Variants in TAFA1 observed in about 807,000 individuals in gnomAD.
TAFA1 encodes the protein chemokine-like protein TAFA-1.
In TAFA1, 4 loss-of-function variants were observed where a neutral mutation model predicts 18.5. That is an observed-to-expected ratio of 0.22 (90% CI 0.11 to 0.49). TAFA1 has a LOEUF of 0.49. Ranked by LOEUF, TAFA1 falls within the 20% of genes least tolerant of loss-of-function variation. The pLI is 0.98. For synonymous variants in TAFA1, 56 were observed against 55.2 expected (o/e 1.01, Z -0.06); for missense variants, 147 against 169.0 (o/e 0.87, Z 0.72).
intron 3 of TAFA1, among the ~76,000 whole-genome samples, chr3:68,452,712 G>T (rs552968591): frequency 6.6e-6 from 1 of 152,200 alleles, no homozygotes; most frequent in South Asian, 2.1e-4. Flanking sequence ...CATCAGGGAG[G>T]CATCCAGGGC....
intron 2 of TAFA1, among the ~76,000 whole-genome samples, chr3:68,191,030 T>C (rs1422434315): frequency 6.6e-6 from 1 of 151,776 alleles, no homozygotes; most frequent in East Asian, 2.0e-4. Flanking sequence ...CTTGTGAAAT[T>C]CAGATATTTG....
intron 2 of TAFA1, among the ~76,000 whole-genome samples, chr3:68,383,182 T>C (rs2070014519): frequency 6.6e-6 from 1 of 151,952 alleles, no homozygotes; most frequent in Admixed American, 6.6e-5. Flanking sequence ...TTTATTTCTT[T>C]CTGTTGTCTG....
intron 2 of TAFA1, among the ~76,000 whole-genome samples, chr3:68,400,113 G>A (rs549755591): frequency 1.2e-4 from 18 of 152,230 alleles, no homozygotes; most frequent in African/African-American, 4.3e-4. Flanking sequence ...AAAAGACTAC[G>A]CTGTTTGGCC....
intron 2 of TAFA1, among the ~76,000 whole-genome samples, chr3:68,310,035 A>G (rs889581175): frequency 1.3e-5 from 2 of 152,200 alleles, no homozygotes; most frequent in Non-Finnish European, 2.9e-5. Flanking sequence ...ATTTATCAAT[A>G]ATTATTGAAA....
Position 68,326,678 on chromosome 3 carries a change from C to T in TAFA1, c.119-90602C>T, listed in dbSNP as rs374009677. ...CATAAAATAAAAAGAATTATCATGGCAGAAGGAAAGAAAATCAGAATTTGA... is the reference window on the plus strand; with the variant it reads ...CATAAAATAAAAAGAATTATCATGGTAGAAGGAAAGAAAATCAGAATTTGA... On this transcript the variant is annotated intron_variant, in intron 2 of 4. Coordinates refer to ENST00000478136, the MANE Select transcript of TAFA1 (RefSeq NM_213609.4). Among the ~76,000 whole-genome samples the T allele has an allele frequency of 5.9e-5, 9 of 152,218 alleles. No homozygotes were observed. The East Asian group carries it at 1.7e-3, about 29-fold the overall frequency.
Position 68,544,682 on chromosome 3 carries a change from C to A in TAFA1, c.*179C>A. On this transcript the variant is annotated 3_prime_UTR_variant, in exon 5 of 5. Coordinates refer to ENST00000478136, the MANE Select transcript of TAFA1 (RefSeq NM_213609.4). ...AATATCCTACAGTGAGAAGACACAG[C>A]GTTTTGGCAACACCATGGAAAGTGG... 1.7e-6 allele frequency: 1 copy of A among 592,508 alleles called. No homozygotes were observed. Among genetic ancestry groups the A allele is most frequent in the Non-Finnish European group, 2.9e-6 (1 of 347,722 alleles). The allele number at this position is 592,508 out of a possible 1,614,324, so 36.7% of individuals were successfully genotyped here.
rs867724478 is a variant in TAFA1, at chr3:68,440,010, C to T, written c.259+22590C>T. On this transcript the variant is annotated intron_variant, in intron 3 of 4. Transcript: ENST00000478136. The stretch of plus-strand genomic sequence containing the variant: ...ACATAAAGTTAACAACACTTAAATG[C>T]CAATATGAAATTGATATGGTTTAGC... 1.2e-4 allele frequency among the ~76,000 whole-genome samples: 18 copies of T among 151,954 alleles called. 2 individuals carry two copies. The South Asian group carries it at 3.5e-3, about 30-fold the overall frequency.
intron 3 of TAFA1, among the ~76,000 whole-genome samples, chr3:68,462,400 C>G (rs996775165): frequency 1.3e-5 from 2 of 152,038 alleles, no homozygotes; most frequent in African/African-American, 4.8e-5. Flanking sequence ...ATGGGAGTTC[C>G]TCTGCACATG....
chr3:68,498,722 C>CTTTTTTTTT lies in TAFA1; in HGVS notation c.260-40007_260-39999dup, dbSNP rs34030223. 6.1e-4 allele frequency among the ~76,000 whole-genome samples: 59 copies of CTTTTTTTTT among 97,004 alleles called. 2 individuals carry two copies. Among genetic ancestry groups the CTTTTTTTTT allele is most frequent in the African/African-American group, 2.2e-3 (45 of 20,868 alleles). The allele number at this position is 97,004 out of a possible 152,430, so 63.6% of individuals were successfully genotyped here. A position where few individuals can be genotyped will look rare whatever the true frequency, so the allele number is the denominator to read the frequency against. On this transcript the variant is annotated intron_variant, in intron 3 of 4. Transcript: ENST00000478136. Reference sequence around the variant, plus strand: ...AATTCCTCCCAAAGCCGTTTGGTGGCTTTTTTTTTTTTTTTTTTTTTTTTT... The same window carrying CTTTTTTTTT: ...AATTCCTCCCAAAGCCGTTTGGTGGCTTTTTTTTTTTTTTTTTTTTTTTTTTTTTTTTTT...
At chr3:68,419,242 G>A (rs1053083542) in intron 3 of TAFA1, among the ~76,000 whole-genome samples, 1 of 152,142 alleles carries the variant, frequency 6.6e-6, no homozygotes, top group Non-Finnish European at 1.5e-5. Flanking sequence ...CATTGTGGTG[G>A]TAGACCGCAA....
chr3:68,073,973 A>T (rs912983699), intron 2 of TAFA1, among the ~76,000 whole-genome samples: 1 of 152,136 alleles, frequency 6.6e-6, no homozygotes, highest in African/African-American at 2.4e-5. Context: ...TATGTCTATT[A>T]TTATTACATT....
At chr3:68,180,505 T>C (rs751937713) in intron 2 of TAFA1, among the ~76,000 whole-genome samples, 2 of 152,178 alleles carry the variant, frequency 1.3e-5, no homozygotes, top group African/African-American at 2.4e-5. Context: ...TGTCCCAACA[T>C]AAGAAGTTCA....
chr3:68,271,549 G>C (rs1012009589), intron 2 of TAFA1, among the ~76,000 whole-genome samples: 7 of 152,126 alleles, frequency 4.6e-5, no homozygotes, highest in African/African-American at 1.7e-4. Context: ...AACCCAAAGG[G>C]AGTAAAATGA....
intron 2 of TAFA1, among the ~76,000 whole-genome samples, chr3:68,009,047 C>T (rs1234946443): frequency 6.6e-6 from 1 of 152,212 alleles, no homozygotes. Context: ...TGTAAACCCA[C>T]AAGCCAGGGA....
chr3:68,208,555 C>G (rs2066554390), intron 2 of TAFA1, among the ~76,000 whole-genome samples: 1 of 152,000 alleles, frequency 6.6e-6, no homozygotes, highest in Non-Finnish European at 1.5e-5. Context: ...GGGACTGGCT[C>G]TAACATAGAG....
chr3:68,324,270 ATAG>A (rs2068741535), intron 2 of TAFA1, among the ~76,000 whole-genome samples: 2 of 151,974 alleles, frequency 1.3e-5, no homozygotes, highest in African/African-American at 4.8e-5. Flanking sequence ...GTTGATAAAT[ATAG>A]CCTTGTTGAT....
At chr3:68,053,661 CA>C (rs1173707402) in intron 2 of TAFA1, among the ~76,000 whole-genome samples, 2 of 151,898 alleles carry the variant, frequency 1.3e-5, no homozygotes, top group Admixed American at 6.6e-5. Context: ...AGCAGAGCCA[CA>C]AAAAAATGAG....
intron 2 of TAFA1, among the ~76,000 whole-genome samples, chr3:68,398,912 T>C (rs1486781611): frequency 1.3e-5 from 2 of 152,194 alleles, no homozygotes; most frequent in African/African-American, 4.8e-5. Context: ...ATTCTAAAAA[T>C]TGCATTCTTT....
chr3:68,357,174 A>AT (rs1187153678), intron 2 of TAFA1, among the ~76,000 whole-genome samples: 1 of 152,022 alleles, frequency 6.6e-6, no homozygotes, highest in Non-Finnish European at 1.5e-5. Flanking sequence ...ACTACATAGG[A>AT]TTCAATAACT....
Sources: allele counts gnomAD v4.1 joint callset (sites outside exome capture counted in the v4.1 genomes callset), GRCh38; gene constraint gnomAD v4.1.1; transcripts MANE v1.5; gene names NCBI Gene and HGNC (gene_info 2026-07-23, HGNC 2026-07-21).